Variants in IST1 observed in about 807,000 individuals in gnomAD.
IST1 encodes the protein IST1 homolog.
IST1 carries 23 observed loss-of-function variants against 37.0 expected under a neutral mutation model. That is an observed-to-expected ratio of 0.62 (90% CI 0.45 to 0.88). IST1 has a LOEUF of 0.88. Ranked by LOEUF, IST1 falls within the 40% of genes least tolerant of loss-of-function variation. The pLI is 0.00. For missense variants in IST1, 488 were observed against 445.4 expected (o/e 1.10, Z -0.86); for synonymous variants, 180 against 161.7 (o/e 1.11, Z -0.86).
chr16:71,895,045 CTGGG>C, upstream of IST1: 1 of 493,678 alleles, frequency 2.0e-6, no homozygotes, highest in Non-Finnish European at 3.6e-6. Context: ...CACGGAGGCG[CTGGG>C]TGAAGAGTCA....
Position 71,921,361 on chromosome 16 carries a change from G to C in IST1, c.460G>C (p.Val154Leu). 1 of 1,612,052 alleles carries C rather than the reference G, an allele frequency of 6.2e-7. No homozygotes were observed. Among genetic ancestry groups the C allele is most frequent in the Non-Finnish European group, 8.5e-7 (1 of 1,178,758 alleles). The change falls in exon 6 of 10, where the codon GTG (valine) becomes CTG (leucine). Residue 154 changes from valine to leucine, a missense_variant. Around this residue, in one of 2 missense-constraint regions of IST1, gnomAD observed 455 missense variants for 386.2 expected, o/e 1.18. Transcript: ENST00000378799. The part of the protein sequence containing the change: ...VNDRLMHKLS[V>L]EAPPKILVER... ...CTTACAGCTAATGCACAAGCTGAGT[G>C]TGGAAGCCCCACCCAAAATCCTGGT...
rs1488090192 is a variant in IST1, at chr16:71,928,820, G to T, written c.*1007G>T. 6.6e-6 allele frequency: 1 copy of T among 152,234 alleles called. No individual in the cohort carries two copies. Among genetic ancestry groups the T allele is most frequent in the Non-Finnish European group, 1.5e-5 (1 of 68,060 alleles). The allele number at this position is 152,234 out of a possible 1,614,324, so 9.4% of individuals were successfully genotyped here. ...ATGGGACTCTTATGTCATAACTTCT[G>T]TTACTCCTTTGGCCCATAGCTAAGG... On this transcript the variant is annotated 3_prime_UTR_variant, in exon 10 of 10. Transcript: ENST00000378799.
intron 1 of IST1, among the ~76,000 whole-genome samples, chr16:71,902,613 A>G (rs1409359875): frequency 2.0e-5 from 3 of 151,996 alleles, no homozygotes; most frequent in African/African-American, 7.2e-5. Context: ...TATATTTTCT[A>G]TTTCTTTGTG....
rs1465418264 is a variant in IST1 at position 71,922,493 on chromosome 16, T to C, written c.572T>C (p.Val191Ala). ...SVVMAEAPPG[V>A]ETDLIDVGFT... ...TCTCAGGCAGAAGCTCCTCCTGGGG[T>C]AGAGACAGATCTTATTGATGTTGGA... Residue 191 changes from valine to alanine, a missense_variant, in exon 7 of 10, where the codon GTA becomes GCA. By Grantham distance (64) the Val-to-Ala change is moderately conservative. Transcript: ENST00000378799. 1.2e-6 allele frequency: 2 copies of C among 1,614,038 alleles called. No individual in the cohort carries two copies. Among genetic ancestry groups the C allele is most frequent in the East Asian group, 4.5e-5 (2 of 44,878 alleles).
intron 7 of IST1, 88 bp downstream of exon 7, chr16:71,922,768 G>C (rs2037637444): frequency 9.2e-7 from 1 of 1,089,958 alleles, no homozygotes; most frequent in Non-Finnish European, 1.4e-6. Flanking sequence ...ATCATAGGTT[G>C]TCAGGAGCCA....
At chr16:71,921,535 T>A in intron 6 of IST1, 82 bp downstream of exon 6, 1 of 794,402 alleles carries the variant, frequency 1.3e-6, no homozygotes, top group Non-Finnish European at 2.1e-6. Context: ...TTCTTTGCAC[T>A]AACTTAAATT....
Position 71,924,958 on chromosome 16 carries a change from T to TAGAACTC in IST1, c.901+144_901+150dup, listed in dbSNP as rs2037703694. ...CCTGTTCTCTTCCCAAATGCTAAAATAGAACTCAGGATATCCTGCTTCTAA... is the reference window on the plus strand; with the variant it reads ...CCTGTTCTCTTCCCAAATGCTAAAATAGAACTCAGAACTCAGGATATCCTGCTTCTAA... On this transcript the variant is annotated intron_variant, in intron 9 of 9. Transcript: ENST00000378799. The TAGAACTC allele has an allele frequency of 1.8e-5, 11 of 624,606 alleles. No homozygotes were observed. In the East Asian group the frequency reaches 3.0e-4, roughly 17 times the overall value. 38.7% of individuals were successfully genotyped at this position (624,606 alleles called of 1,614,324 possible).
At chr16:71,919,533 C>G (rs768017326) in intron 4 of IST1, among the ~76,000 whole-genome samples, 1 of 152,176 alleles carries the variant, frequency 6.6e-6, no homozygotes, top group Non-Finnish European at 1.5e-5. Context: ...ACAAGAGGTG[C>G]GTGCCACCAT....
chr16:71,908,787 C>T (rs1285132392), intron 1 of IST1, among the ~76,000 whole-genome samples: 1 of 152,120 alleles, frequency 6.6e-6, no homozygotes, highest in African/African-American at 2.4e-5. Context: ...CGGGTTTCAG[C>T]CTGCTGTGCA....
chr16:71,895,099 C>A (rs1210464255), upstream of IST1: 7 of 370,068 alleles, frequency 1.9e-5, no homozygotes, highest in Admixed American at 4.6e-5. Context: ...CCGCTCCACC[C>A]AGGGGGAAAG....
chr16:71,894,846 G>A (rs1382168416), upstream of IST1: 2 of 1,534,084 alleles, frequency 1.3e-6, no homozygotes, highest in East Asian at 2.4e-5. Context: ...TGGTTTTCAA[G>A]TTAAAAACAA....
chr16:71,899,530 A>G (rs1191969758), intron 1 of IST1, among the ~76,000 whole-genome samples: 1 of 152,208 alleles, frequency 6.6e-6, no homozygotes, highest in Non-Finnish European at 1.5e-5. Flanking sequence ...ACTGCGATAC[A>G]GTGGTCATAC....
intron 1 of IST1, chr16:71,903,124 G>GGGACTCCA (rs2037145550): frequency 6.6e-6 from 1 of 152,192 alleles, no homozygotes; most frequent in East Asian, 1.9e-4. Context: ...GACTCCAGGT[G>GGGACTCCA]TGTGCCACCA....
At chr16:71,915,067 A>C (rs1369555687) in intron 1 of IST1, among the ~76,000 whole-genome samples, 1 of 152,156 alleles carries the variant, frequency 6.6e-6, no homozygotes, top group Non-Finnish European at 1.5e-5. Context: ...AGTAGATGTC[A>C]ATGATATTTC....
At chr16:71,926,151 A>G (rs57660885) in intron 9 of IST1, among the ~76,000 whole-genome samples, 2 of 151,460 alleles carry the variant, frequency 1.3e-5, no homozygotes, top group African/African-American at 4.9e-5. Context: ...GTGTGGTGGC[A>G]GGCGCCTGTA....
intron 1 of IST1, among the ~76,000 whole-genome samples, chr16:71,909,450 T>C (rs1163478982): frequency 6.6e-6 from 1 of 152,192 alleles, no homozygotes; most frequent in African/African-American, 2.4e-5. Flanking sequence ...TCTACTTCCT[T>C]ACTACCACAA....
chr16:71,927,363 C>T (rs1273019988), intron 9 of IST1, among the ~76,000 whole-genome samples: 1 of 151,962 alleles, frequency 6.6e-6, no homozygotes, highest in Non-Finnish European at 1.5e-5. Context: ...GTGGCATGCG[C>T]CTGTAATCCC....
At position 71,929,501 on chromosome 16, in the gene IST1, C is replaced by G; in HGVS notation, c.*1688C>G. 6.6e-7 allele frequency: 1 copy of G among 1,514,210 alleles called. No homozygotes were observed. Among genetic ancestry groups the G allele is most frequent in the Non-Finnish European group, 8.9e-7 (1 of 1,129,098 alleles). 93.8% of individuals were successfully genotyped at this position (1,514,210 alleles called of 1,614,324 possible). ...TGCCATGCAAAGATAAGTAGTAATA[C>G]GCTAATAAATACTAAGCCAAGTAGG... On this transcript the variant is annotated 3_prime_UTR_variant, in exon 10 of 10. Transcript: ENST00000378799.
Position 71,923,363 on chromosome 16 carries a change from C to G in IST1, c.835C>G (p.Pro279Ala). ...TCATCCACCTCAGATACCAGCAACT[C>G]CCCCATCGTATGAATCTGTAAGTGC... is the stretch of plus-strand genomic sequence containing the variant. ...NIHPPQIPAT[P>A]PSYESVDDIN... Residue 279 changes from proline to alanine, a missense_variant, in exon 8 of 10, where the codon CCC (proline) becomes GCC (alanine). By Grantham distance (27) the Pro-to-Ala change is conservative. Transcript: ENST00000378799. 5.0e-6 allele frequency: 8 copies of G among 1,606,500 alleles called. No homozygotes were observed. The highest frequency in any genetic ancestry group is 6.8e-6 in the Non-Finnish European group (8 of 1,173,362).
Sources: allele counts gnomAD v4.1 joint callset (sites outside exome capture counted in the v4.1 genomes callset), GRCh38; gene constraint gnomAD v4.1.1; regional missense constraint gnomAD v4.1.1; transcripts MANE v1.5; gene names NCBI Gene and HGNC (gene_info 2026-07-23, HGNC 2026-07-21).